The following NKTR variants were observed in gnomAD, a reference collection of about 807,000 sequenced individuals.
NKTR encodes natural killer cell triggering receptor, also known as NK-tumor recognition protein.
Under a neutral mutation model 156.3 loss-of-function variants are expected in NKTR, and 67 were observed. That is an observed-to-expected ratio of 0.43 (90% CI 0.35 to 0.53). The LOEUF is 0.53. Among genes scored for constraint, NKTR ranks in the 20% least tolerant of loss-of-function variants. NKTR has a pLI of 0.01. For synonymous variants in NKTR, 640 were observed against 596.6 expected (o/e 1.07, Z -1.06); for missense variants, 1,604 against 1,730.9 (o/e 0.93, Z 1.30).
At chr3:42,630,342 A>T (rs1708775915) in intron 6 of NKTR, 1 of 1,392,460 alleles carries the variant, frequency 7.2e-7, no homozygotes, top group Non-Finnish European at 9.3e-7. Context: ...AATTCATTAT[A>T]ATCTTGAGTT....
At chr3:42,636,527 G>A (rs1428073372) in intron 12 of NKTR, among the ~76,000 whole-genome samples, 1 of 152,180 alleles carries the variant, frequency 6.6e-6, no homozygotes, top group African/African-American at 2.4e-5. Context: ...CTGTCCTAGA[G>A]GCAGAGGGTT....
intron 2 of NKTR, chr3:42,602,213 T>C (rs1705568842): frequency 6.6e-6 from 1 of 152,234 alleles, no homozygotes; most frequent in South Asian, 2.1e-4. Flanking sequence ...TGTTTAGATA[T>C]ACAAATACTT....
chr3:42,627,519 G>A (rs1306990866), intron 6 of NKTR: 24 of 985,130 alleles, frequency 2.4e-5, no homozygotes, highest in Non-Finnish European at 2.9e-5. Flanking sequence ...AGTCATTTCT[G>A]TATAAGGGCA....
chr3:42,625,918 A>T (rs1708337949), intron 6 of NKTR, among the ~76,000 whole-genome samples: 1 of 152,178 alleles, frequency 6.6e-6, no homozygotes, highest in Admixed American at 6.6e-5. Flanking sequence ...TCTTAACATT[A>T]GTGCTGAATT....
At chr3:42,634,308 T>C (rs1303465066) in intron 10 of NKTR, among the ~76,000 whole-genome samples, 1 of 152,232 alleles carries the variant, frequency 6.6e-6, no homozygotes, top group Non-Finnish European at 1.5e-5. Context: ...AAGTTTAGAA[T>C]TATTGAAAGA....
At chr3:42,636,826 A>T in intron 12 of NKTR, 42 bp from the exon 13 acceptor site, 1 of 1,517,912 alleles carries the variant, frequency 6.6e-7, no homozygotes, top group Non-Finnish European at 8.8e-7. Flanking sequence ...TGTAGAAAAC[A>T]TGCTTATAAA....
intron 2 of NKTR, among the ~76,000 whole-genome samples, chr3:42,611,594 A>T (rs570479901): frequency 6.6e-6 from 1 of 152,122 alleles, no homozygotes; most frequent in African/African-American, 2.4e-5. Context: ...TTAGCTGGGC[A>T]TAGTGGTAGG....
rs1424815694 is a variant in NKTR, at chr3:42,633,606, A to G, written c.800A>G (p.Glu267Gly). The G allele has an allele frequency of 1.9e-6, 3 of 1,614,052 alleles. No homozygotes were observed. The highest frequency in any genetic ancestry group is 1.3e-5 in the African/African-American group (1 of 75,030). ...KGHSERSDTNEKRSVDSSAKR... is the reference protein window; with the variant it reads ...KGHSERSDTNGKRSVDSSAKR... ...CACTCTGAGAGGAGTGATACCAATG[A>G]AAAAAGGTCAGTTGATTCCAGTGCT... The change falls in exon 10 of 17, where the codon GAA becomes GGA. Residue 267 changes from glutamate (E) to glycine (G), a missense_variant. By Grantham distance (98) the Glu-to-Gly change is moderately conservative (BLOSUM62 -2). Around this residue, in one of 6 missense-constraint regions of NKTR, gnomAD observed 1,255 missense variants for 1,243.7 expected, o/e 1.01. Coordinates refer to ENST00000232978, the MANE Select transcript of NKTR (RefSeq NM_005385.4).
rs1202278117 is a variant in NKTR at position 42,601,730 on chromosome 3, G to A, written c.58+666G>A. On this transcript the variant is annotated intron_variant, in intron 2 of 16. Coordinates refer to ENST00000232978, the MANE Select transcript of NKTR (RefSeq NM_005385.4). ...CATTCTAAGTAGCAGAGCGTGCAGG[G>A]TTTCAAACTGTTTTCTTAGCTTTTT... 11 of 152,094 alleles carry A rather than the reference G, an allele frequency of 7.2e-5. No individual in the cohort carries two copies. In the East Asian group the frequency reaches 2.1e-3, roughly 29 times the overall value. The allele number at this position is 152,094 out of a possible 1,614,324, so 9.4% of individuals were successfully genotyped here.
At position 42,635,382 on chromosome 3, in the gene NKTR, A is replaced by G. The variant is rs1470357034; in HGVS notation, c.1163+16A>G. On this transcript the variant is annotated intron_variant, in intron 12 of 16. Coordinates refer to ENST00000232978, the MANE Select transcript of NKTR (RefSeq NM_005385.4). ...AAGGAGATAAGTAAGAACTTTGAGT[A>G]TAAGCACAATCCTGTGTCTGTTATA... 4 of 1,594,048 alleles carry G rather than the reference A, an allele frequency of 2.5e-6. No individual in the cohort carries two copies. The highest frequency in any genetic ancestry group is 3.4e-6 in the Non-Finnish European group (4 of 1,167,210).
chr3:42,641,520 TA>T (rs1001680089), intron 13 of NKTR, among the ~76,000 whole-genome samples: 3 of 152,178 alleles, frequency 2.0e-5, no homozygotes, highest in East Asian at 1.9e-4. Flanking sequence ...GTATTAGACA[TA>T]AAAAATGATA....
At chr3:42,631,719 C>G (rs969858828) in intron 8 of NKTR, among the ~76,000 whole-genome samples, 1 of 152,170 alleles carries the variant, frequency 6.6e-6, no homozygotes, top group Non-Finnish European at 1.5e-5. Context: ...GCACAGAACC[C>G]TCCAAGGACT....
At chr3:42,607,613 T>A (rs912048591) in intron 2 of NKTR, among the ~76,000 whole-genome samples, 1 of 152,120 alleles carries the variant, frequency 6.6e-6, no homozygotes, top group Non-Finnish European at 1.5e-5. Context: ...AAAAAATAGA[T>A]GTATATTTGT....
Position 42,638,261 on chromosome 3 carries a change from T to C in NKTR, c.2557T>C (p.Cys853Arg). The C allele has an allele frequency of 6.2e-7, 1 of 1,610,746 alleles. No individual in the cohort carries two copies. Among genetic ancestry groups the C allele is most frequent in the Non-Finnish European group, 8.5e-7 (1 of 1,179,286 alleles). ...AGAAAAATCCAAGTCTGAACGGGAATGCCCTCATTCAAAAAAAAGAACTTT... is the reference window on the plus strand; with the variant it reads ...AGAAAAATCCAAGTCTGAACGGGAACGCCCTCATTCAAAAAAAAGAACTTT... Reference protein sequence around the residue: ...GEEKSKSERECPHSKKRTLKE... With the variant: ...GEEKSKSERERPHSKKRTLKE... Residue 853 changes from cysteine (C) to arginine (R), a missense_variant, in exon 13 of 17, where the codon TGC (cysteine) becomes CGC (arginine). By Grantham distance (180) the Cys-to-Arg change is radical. Coordinates refer to ENST00000232978, the MANE Select transcript of NKTR (RefSeq NM_005385.4).
At chr3:42,630,050 G>A (rs1322731647) in intron 6 of NKTR, 2 of 985,440 alleles carry the variant, frequency 2.0e-6, no homozygotes, top group African/African-American at 1.7e-5. Flanking sequence ...ACCTCTGCCT[G>A]CCTAAAAATG....
chr3:42,633,826 A>C, intron 10 of NKTR, 91 bp downstream of exon 10: 2 of 1,409,634 alleles, frequency 1.4e-6, no homozygotes. Flanking sequence ...ATGGAACATG[A>C]TCCATGTTTG....
At chr3:42,617,684 C>T (rs1414009163) in intron 3 of NKTR, 40 bp downstream of exon 3, 1 of 1,064,304 alleles carries the variant, frequency 9.4e-7, no homozygotes, top group Non-Finnish European at 1.5e-6. Flanking sequence ...CTGTGGCTTA[C>T]AGTTTTACCT....
In NKTR at chr3:42,601,078, T is replaced by G. The variant is rs1273521186; in HGVS notation, c.58+14T>G. 1 of 1,555,902 alleles carries G rather than the reference T, an allele frequency of 6.4e-7. No individual in the cohort carries two copies. The highest frequency in any genetic ancestry group is 8.7e-7 in the Non-Finnish European group (1 of 1,153,606). On this transcript the variant is annotated intron_variant, in intron 2 of 16. Coordinates refer to ENST00000232978, the MANE Select transcript of NKTR (RefSeq NM_005385.4). ...ACCGGGAGCCGGGTGAGCTGGAAAC[T>G]GGGGAGCGCTGCTGGGGCCGAGGCC...
chr3:42,633,606 A>C lies in NKTR; in HGVS notation c.800A>C (p.Glu267Ala). The C allele has an allele frequency of 6.2e-7, 1 of 1,614,052 alleles. No homozygotes were observed. The highest frequency in any genetic ancestry group is 1.7e-4 in the Middle Eastern group (1 of 6,060). The stretch of plus-strand genomic sequence containing the variant: ...CACTCTGAGAGGAGTGATACCAATG[A>C]AAAAAGGTCAGTTGATTCCAGTGCT... ...KGHSERSDTN[E>A]KRSVDSSAKR... Residue 267 changes from glutamate (E) to alanine (A), a missense_variant, in exon 10 of 17, where the codon GAA (glutamate) becomes GCA (alanine). By Grantham distance (107) the Glu-to-Ala change is moderately radical (BLOSUM62 -1). Transcript: ENST00000232978.
Sources: gnomAD v4.1 joint callset for allele counts (sites outside exome capture counted in the v4.1 genomes callset) on GRCh38, gnomAD v4.1.1 for gene constraint, gnomAD v4.1.1 regional missense constraint, MANE v1.5 for transcripts, NCBI Gene and HGNC (gene_info 2026-07-23, HGNC 2026-07-21) for gene names.